The following CPSF2 variants were observed in gnomAD, a reference collection of about 807,000 sequenced individuals.
CPSF2 encodes cleavage and polyadenylation specificity factor subunit 2.
Under a neutral mutation model 84.2 loss-of-function variants are expected in CPSF2, and 51 were observed. The observed-to-expected ratio is 0.61, with a 90% confidence interval of 0.48 to 0.77. The LOEUF (loss-of-function observed/expected upper bound fraction) is 0.77. CPSF2 is among the 30% of genes least tolerant of loss of function. The pLI is 0.00. For synonymous variants in CPSF2, 286 were observed against 311.9 expected (o/e 0.92, Z 0.87); for missense variants, 641 against 929.4 (o/e 0.69, Z 4.03).
chr14:92,155,284 A>T lies in CPSF2; in HGVS notation c.1403A>T (p.Glu468Val). ...KKSYPMFPAP[E>V]ERIKWDEYGE... is the part of the protein sequence containing the mutation. ...TCCTATCCTATGTTTCCTGCCCCAG[A>T]AGAAAGAATTAAATGGGATGAATAT... Residue 468 changes from glutamate to valine, a missense_variant, in exon 11 of 16, where the codon GAA (glutamate) becomes GTA (valine). Coordinates refer to ENST00000298875, the MANE Select transcript of CPSF2 (RefSeq NM_017437.3). 6.2e-7 allele frequency: 1 copy of T among 1,614,106 alleles called. No individual in the cohort carries two copies. The highest frequency in any genetic ancestry group is 8.5e-7 in the Non-Finnish European group (1 of 1,179,966).
Position 92,134,242 on chromosome 14 carries a change from T to A in CPSF2, c.310-8T>A. On this transcript the variant is annotated splice_region_variant and splice_polypyrimidine_tract_variant and intron_variant, in intron 4 of 15. Transcript: ENST00000298875. ...TGTTTTTCACCTTTATTTGTGTTATTCTTTTAGTCTCGACACAATACAGAA... is the reference window on the plus strand; with the variant it reads ...TGTTTTTCACCTTTATTTGTGTTATACTTTTAGTCTCGACACAATACAGAA... The A allele has an allele frequency of 1.9e-6, 3 of 1,612,166 alleles. No individual in the cohort carries two copies. Among genetic ancestry groups the A allele is most frequent in the Non-Finnish European group, 2.5e-6 (3 of 1,178,328 alleles).
chr14:92,140,111 G>A (rs1226217433), intron 7 of CPSF2, among the ~76,000 whole-genome samples: 5 of 151,478 alleles, frequency 3.3e-5, no homozygotes, highest in South Asian at 2.1e-4. Flanking sequence ...GCGCCACTAC[G>A]CCCAGCTAAT....
chr14:92,139,786 G>C (rs551215243), intron 7 of CPSF2, among the ~76,000 whole-genome samples: 1 of 151,648 alleles, frequency 6.6e-6, no homozygotes, highest in South Asian at 2.1e-4. Flanking sequence ...TGATCCTCCT[G>C]CCTCAGCCTC....
rs2069469461 is a variant in CPSF2, at chr14:92,167,891, G to GT, written c.*6147_*6148insT. ...TTCAGTGATTGAGAGGTTAATTGCA[G>GT]GTTTTTTTTTTTTTTTTTTCTGGTA... is the stretch of plus-strand genomic sequence containing the variant. On this transcript the variant is annotated 3_prime_UTR_variant, in exon 16 of 16. Coordinates refer to ENST00000298875, the MANE Select transcript of CPSF2 (RefSeq NM_017437.3). The GT allele has an allele frequency of 8.9e-6, 1 of 112,544 alleles. No individual in the cohort carries two copies. Among genetic ancestry groups the GT allele is most frequent in the Non-Finnish European group, 1.7e-5 (1 of 58,690 alleles). 7.0% of individuals were successfully genotyped at this position (112,544 alleles called of 1,614,324 possible).
rs2069421448 is a variant in CPSF2, at chr14:92,164,766, A to C, written c.*3022A>C. ...TTAAGGTGAGCCATTTGGCTTTTTTAAAAAATTGAGATTCAACTTACATAC... is the reference window on the plus strand; with the variant it reads ...TTAAGGTGAGCCATTTGGCTTTTTTCAAAAATTGAGATTCAACTTACATAC... On this transcript the variant is annotated 3_prime_UTR_variant, in exon 16 of 16. Transcript: ENST00000298875. 1.3e-5 allele frequency: 2 copies of C among 152,202 alleles called. No homozygotes were observed. The highest frequency in any genetic ancestry group is 2.9e-5 in the Non-Finnish European group (2 of 68,028). The allele number at this position is 152,202 out of a possible 1,614,324, so 9.4% of individuals were successfully genotyped here. A position where few individuals can be genotyped will look rare whatever the true frequency, so the allele number is the denominator to read the frequency against.
chr14:92,139,950 ATTTTTTTTT>A (rs34354391), intron 7 of CPSF2, among the ~76,000 whole-genome samples: 1 of 97,634 alleles, frequency 1.0e-5, no homozygotes, highest in Non-Finnish European at 2.0e-5. Flanking sequence ...AAGTACAACT[ATTTTTTTTT>A]TTTTTTTTTT....
rs11160045 is a variant in CPSF2 at position 92,167,068 on chromosome 14, A to G, written c.*5324A>G. Reference sequence around the variant, plus strand: ...GCTTTGTCACCCAGGCTGGAGTGCTATGGCTCAATCTCAGCTCACTGCAAC... The same window carrying G: ...GCTTTGTCACCCAGGCTGGAGTGCTGTGGCTCAATCTCAGCTCACTGCAAC... On this transcript the variant is annotated 3_prime_UTR_variant, in exon 16 of 16. Transcript: ENST00000298875. The G allele has an allele frequency of 0.52, 75,210 of 145,174 alleles. 20,680 individuals are homozygous for G. Among genetic ancestry groups the G allele is most frequent in the East Asian group, 0.98 (4,899 of 4,988 alleles). 9.0% of individuals were successfully genotyped at this position (145,174 alleles called of 1,614,324 possible).
At chr14:92,146,844 C>T (rs1052627750) in intron 9 of CPSF2, among the ~76,000 whole-genome samples, 38 of 152,308 alleles carry the variant, frequency 2.5e-4, no homozygotes, top group African/African-American at 7.9e-4. Flanking sequence ...TCCACTTTCT[C>T]TATGCCCTAC....
At chr14:92,153,182 A>G (rs1168546182) in intron 9 of CPSF2, among the ~76,000 whole-genome samples, 1 of 152,034 alleles carries the variant, frequency 6.6e-6, no homozygotes, top group African/African-American at 2.4e-5. Flanking sequence ...ATAGATGAAA[A>G]CAATTATGTT....
At chr14:92,126,439 T>A (rs1025845075) in intron 2 of CPSF2, among the ~76,000 whole-genome samples, 2 of 152,206 alleles carry the variant, frequency 1.3e-5, no homozygotes, top group African/African-American at 4.8e-5. Context: ...ACAGGGATAA[T>A]TTCCAAGGTC....
chr14:92,128,470 A>G (rs2068870633), intron 2 of CPSF2, among the ~76,000 whole-genome samples: 1 of 152,214 alleles, frequency 6.6e-6, no homozygotes, highest in Non-Finnish European at 1.5e-5. Context: ...CAACAGAGTG[A>G]GACTCCGTCT....
chr14:92,145,403 A>G lies in CPSF2; in HGVS notation c.1140+2109A>G, dbSNP rs574616243. Among the ~76,000 whole-genome samples, 64 of 152,248 alleles carry G rather than the reference A, an allele frequency of 4.2e-4. 1 individual carries two copies. Among genetic ancestry groups the G allele is most frequent in the Non-Finnish European group, 8.4e-4 (57 of 68,014 alleles). On this transcript the variant is annotated intron_variant, in intron 9 of 15. Coordinates refer to ENST00000298875, the MANE Select transcript of CPSF2 (RefSeq NM_017437.3). The stretch of plus-strand genomic sequence containing the variant: ...GCTGGGATTATACATGAACCACTGC[A>G]CCTGGCCCTTAGCAGTCATTTTAAG...
At chr14:92,158,221 C>T (rs925590790) in intron 13 of CPSF2, among the ~76,000 whole-genome samples, 8 of 152,042 alleles carry the variant, frequency 5.3e-5, no homozygotes, top group Non-Finnish European at 1.2e-4. Flanking sequence ...GGGGGAAGAG[C>T]GTTCTAGGCA....
Position 92,143,210 on chromosome 14 carries a change from A to G in CPSF2, c.1056A>G (p.Ser352=). The G allele has an allele frequency of 6.2e-7, 1 of 1,613,828 alleles. No individual in the cohort carries two copies. The highest frequency in any genetic ancestry group is 8.5e-7 in the Non-Finnish European group (1 of 1,179,758). The change falls in exon 9 of 16, where the codon TCA becomes TCG. Residue 352 remains serine, a synonymous_variant. Coordinates refer to ENST00000298875, the MANE Select transcript of CPSF2 (RefSeq NM_017437.3). ...FIQWCQDPKN[S]IILTYRTTPG... Reference sequence around the variant, plus strand: ...AGTGGTGTCAGGACCCTAAAAACTCAATCATTCTAACCTACAGAACTACTC... The same window carrying G: ...AGTGGTGTCAGGACCCTAAAAACTCGATCATTCTAACCTACAGAACTACTC...
At chr14:92,140,989 A>G (rs1276126498) in intron 7 of CPSF2, among the ~76,000 whole-genome samples, 1 of 152,132 alleles carries the variant, frequency 6.6e-6, no homozygotes. Context: ...CAGTTTTACC[A>G]CATATTTCCA....
chr14:92,124,189 A>G (rs2068816510), intron 1 of CPSF2, among the ~76,000 whole-genome samples: 1 of 152,218 alleles, frequency 6.6e-6, no homozygotes, highest in Admixed American at 6.5e-5. Context: ...CTTGTGAAGG[A>G]TCTTGGTTTC....
chr14:92,122,032 G>C lies in CPSF2; in HGVS notation c.-190G>C, dbSNP rs1388343174. 12 of 594,926 alleles carry C rather than the reference G, an allele frequency of 2.0e-5. No homozygotes were observed. The highest frequency in any genetic ancestry group is 3.6e-5 in the Non-Finnish European group (12 of 337,374). 36.9% of individuals were successfully genotyped at this position (594,926 alleles called of 1,614,324 possible). A position where few individuals can be genotyped will look rare whatever the true frequency, so the allele number is the denominator to read the frequency against. Reference sequence around the variant, plus strand: ...GGCTTCTGCCGGCCGGTAGTCCCTGGCGCTGCTGACCCAGCATCGGCTTTT... The same window carrying C: ...GGCTTCTGCCGGCCGGTAGTCCCTGCCGCTGCTGACCCAGCATCGGCTTTT... On this transcript the variant is annotated 5_prime_UTR_variant, in exon 1 of 16. Transcript: ENST00000298875.
Position 92,166,378 on chromosome 14 carries a change from ACT to A in CPSF2, c.*4637_*4638del, listed in dbSNP as rs1229895705. 6.6e-6 allele frequency: 1 copy of A among 151,616 alleles called. No individual in the cohort carries two copies. The highest frequency in any genetic ancestry group is 1.5e-5 in the Non-Finnish European group (1 of 67,922). 9.4% of individuals were successfully genotyped at this position (151,616 alleles called of 1,614,324 possible). A position where few individuals can be genotyped will look rare whatever the true frequency, so the allele number is the denominator to read the frequency against. On this transcript the variant is annotated 3_prime_UTR_variant, in exon 16 of 16. Coordinates refer to ENST00000298875, the MANE Select transcript of CPSF2 (RefSeq NM_017437.3). ...TATTTTCTTTTTGAGGCAGGGTCTC[ACT>A]CTGTCACGCAGGCTTGTGTGCATTG...
chr14:92,156,086 A>C (rs1023681213), intron 11 of CPSF2, among the ~76,000 whole-genome samples: 2 of 152,130 alleles, frequency 1.3e-5, no homozygotes, highest in Non-Finnish European at 2.9e-5. Flanking sequence ...TCAGGAGTTC[A>C]GGACCAGCCT....
Sources: allele counts gnomAD v4.1 joint callset (sites outside exome capture counted in the v4.1 genomes callset), GRCh38; gene constraint gnomAD v4.1.1; transcripts MANE v1.5; gene names NCBI Gene and HGNC (gene_info 2026-07-23, HGNC 2026-07-21).